ANKRD11: variants seen among roughly 807,000 people sequenced by gnomAD.
The protein encoded by ANKRD11 is ankyrin repeat domain-containing protein 11.
ANKRD11 carries 17 observed loss-of-function variants against 195.7 expected under a neutral mutation model. The ratio of observed to expected loss-of-function variants is 0.09; its 90% CI spans 0.06 to 0.13. ANKRD11 has a LOEUF of 0.13. Ranked by LOEUF, ANKRD11 falls within the 10% of genes least tolerant of loss-of-function variation. The pLI is 1.00. For synonymous variants in ANKRD11, 1,953 were observed against 1,528.1 expected, an observed-to-expected ratio of 1.28 and a Z score of -6.49; for missense variants, 3,735 against 3,566.1, an observed-to-expected ratio of 1.05 and a Z score of -1.21.
chr16:89,367,883 G>T (rs192543784), intron 2 of ANKRD11, among the ~76,000 whole-genome samples: 224 of 152,168 alleles, frequency 1.5e-3, no homozygotes, highest in African/African-American at 5.2e-3. Flanking sequence ...GTGTGCTTGT[G>T]GTACCGGCTA....
intron 2 of ANKRD11, among the ~76,000 whole-genome samples, chr16:89,364,573 A>G (rs2039868663): frequency 6.6e-6 from 1 of 152,212 alleles, no homozygotes; most frequent in Non-Finnish European, 1.5e-5. Context: ...GAGGTGTCCA[A>G]TCTTTTGACC....
rs191107317 is a variant in ANKRD11, at chr16:89,477,419, G to A, written c.-145+12826C>T. Among the ~76,000 whole-genome samples, 76 of 151,166 alleles carry A rather than the reference G, an allele frequency of 5.0e-4. 1 individual carries two copies. The highest frequency in any genetic ancestry group is 1.5e-3 in the African/African-American group (62 of 41,246). ...CACCCAGGCTGGAGTGCAGTGGTGC[G>A]ATTCTGGCTCACTGCAACCTCCACC... On this transcript the variant is annotated intron_variant, in intron 1 of 12. Transcript: ENST00000301030.
chr16:89,284,277 T>C lies in ANKRD11; in HGVS notation c.2265A>G (p.Glu755=). The change falls in exon 9 of 13, where the codon GAA becomes GAG. Residue 755 remains glutamate (E), a synonymous_variant. Coordinates refer to ENST00000301030, the MANE Select transcript of ANKRD11 (RefSeq NM_013275.6). ...CCTCTTTGTACAGTCTCAGTTTTTCTTCTTTCGGAGACTTTTCCTTCAGCG... is the reference window on the plus strand; with the variant it reads ...CCTCTTTGTACAGTCTCAGTTTTTCCTCTTTCGGAGACTTTTCCTTCAGCG... ...ERSLKEKSPK[E]EKLRLYKEER... 1 of 1,613,986 alleles carries C rather than the reference T, an allele frequency of 6.2e-7. No individual in the cohort carries two copies. Among genetic ancestry groups the C allele is most frequent in the South Asian group, 1.1e-5 (1 of 91,082 alleles).
At chr16:89,398,672 G>A (rs2041567957) in intron 2 of ANKRD11, among the ~76,000 whole-genome samples, 2 of 152,142 alleles carry the variant, frequency 1.3e-5, no homozygotes, top group South Asian at 4.1e-4. Context: ...AGCCCGGGAG[G>A]TTGAGGCTGC....
intron 2 of ANKRD11, among the ~76,000 whole-genome samples, chr16:89,345,490 A>G (rs1241052651): frequency 6.6e-6 from 1 of 152,220 alleles, no homozygotes; most frequent in Non-Finnish European, 1.5e-5. Context: ...GCACGGAGGC[A>G]GAGACCAGGC....
chr16:89,409,932 C>T (rs1367802316), intron 2 of ANKRD11, among the ~76,000 whole-genome samples: 4 of 152,098 alleles, frequency 2.6e-5, no homozygotes, highest in South Asian at 2.1e-4. Context: ...CTCCGCCTCC[C>T]GGGTTCACGC....
intron 2 of ANKRD11, among the ~76,000 whole-genome samples, chr16:89,338,267 T>C (rs1231432792): frequency 6.6e-6 from 1 of 152,042 alleles, no homozygotes; most frequent in African/African-American, 2.4e-5. Context: ...CGCCACACTG[T>C]GTCCTCCAGG....
intron 4 of ANKRD11, among the ~76,000 whole-genome samples, chr16:89,304,405 C>A (rs2036040662): frequency 6.6e-6 from 1 of 151,664 alleles, no homozygotes; most frequent in Non-Finnish European, 1.5e-5. Context: ...TGGGCATACA[C>A]ACATGAGCGC....
chr16:89,482,268 T>C (rs371918886), intron 1 of ANKRD11, among the ~76,000 whole-genome samples: 95 of 152,294 alleles, frequency 6.2e-4, no homozygotes, highest in African/African-American at 2.2e-3. Context: ...AGCAGTCAGG[T>C]GAGCCACACG....
intron 3 of ANKRD11, among the ~76,000 whole-genome samples, chr16:89,315,790 G>C (rs1336515242): frequency 6.6e-6 from 1 of 152,212 alleles, no homozygotes; most frequent in African/African-American, 2.4e-5. Context: ...AGTGGACTGA[G>C]TCGCCATCAT....
In ANKRD11 at chr16:89,282,405, A is replaced by T. The variant is rs767190300; in HGVS notation, c.4137T>A (p.Asp1379Glu). 1.2e-6 allele frequency: 2 copies of T among 1,613,418 alleles called. No homozygotes were observed. Among genetic ancestry groups the T allele is most frequent in the South Asian group, 2.2e-5 (2 of 90,974 alleles). The part of the protein sequence containing the change: ...EKAEKKEKGE[D>E]YKEGGSRKDS... ...CCTTCCTGCTACCGCCCTCCTTGTA[A>T]TCTTCGCCCTTCTCTTTCTTCTCGG... Residue 1379 changes from aspartate (D) to glutamate (E), a missense_variant, in exon 9 of 13, where the codon GAT (aspartate) becomes GAA (glutamate). By Grantham distance (45) the Asp-to-Glu change is conservative (BLOSUM62 2). Transcript: ENST00000301030.
At chr16:89,359,550 A>G (rs942364466) in intron 2 of ANKRD11, among the ~76,000 whole-genome samples, 1 of 152,148 alleles carries the variant, frequency 6.6e-6, no homozygotes, top group Non-Finnish European at 1.5e-5. Context: ...TGCAGTCTTG[A>G]TTCTTCAGGC....
chr16:89,284,514 A>G lies in ANKRD11; in HGVS notation c.2028T>C (p.Asn676=). 2 of 1,614,118 alleles carry G rather than the reference A, an allele frequency of 1.2e-6. No individual in the cohort carries two copies. The highest frequency in any genetic ancestry group is 1.7e-6 in the Non-Finnish European group (2 of 1,180,028). The change falls in exon 9 of 13, where the codon AAT becomes AAC. Residue 676 remains asparagine (N), a synonymous_variant. Coordinates refer to ENST00000301030, the MANE Select transcript of ANKRD11 (RefSeq NM_013275.6). ...TTAGCTTGTTTTCAGTGGAAAGATC[A>G]TTCTCTAACAGTATAGCCTTATCTG... ...QKSDKAILLE[N]DLSTENKLKV... is the part of the protein sequence containing the mutation.
intron 2 of ANKRD11, among the ~76,000 whole-genome samples, chr16:89,385,072 G>C (rs1243727909): frequency 6.6e-6 from 1 of 151,712 alleles, no homozygotes; most frequent in Non-Finnish European, 1.5e-5. Flanking sequence ...TTTTAGTAGA[G>C]ACGATATTTC....
At chr16:89,420,517 G>A (rs573430322) in intron 1 of ANKRD11, 3 of 152,278 alleles carry the variant, frequency 2.0e-5, no homozygotes, top group East Asian at 3.9e-4. Context: ...AGGTGAAAGT[G>A]AAAAACATCA....
Position 89,443,979 on chromosome 16 carries a change from T to C in ANKRD11, c.-144-25611A>G, listed in dbSNP as rs372746151. ...GCAGAGACAAAGCGGCCTGTCAGGC[T>C]GAACAGGGAGGCAGAAACTCCGCAG... On this transcript the variant is annotated intron_variant, in intron 1 of 12. Coordinates refer to ENST00000301030, the MANE Select transcript of ANKRD11 (RefSeq NM_013275.6). Among the ~76,000 whole-genome samples, 6 of 152,270 alleles carry C rather than the reference T, an allele frequency of 3.9e-5. No homozygotes were observed. The South Asian group carries it at 1.2e-3, about 32-fold the overall frequency.
intron 2 of ANKRD11, among the ~76,000 whole-genome samples, chr16:89,372,412 G>A (rs1464330748): frequency 6.6e-6 from 1 of 152,092 alleles, no homozygotes; most frequent in East Asian, 1.9e-4. Flanking sequence ...GGACGGGGTC[G>A]ACAAGGCAGT....
Position 89,281,589 on chromosome 16 carries a change from G to C in ANKRD11, c.4953C>G (p.Asp1651Glu), listed in dbSNP as rs991212298. 1 of 1,614,170 alleles carries C rather than the reference G, an allele frequency of 6.2e-7. No individual in the cohort carries two copies. The highest frequency in any genetic ancestry group is 1.1e-5 in the South Asian group (1 of 91,088). The stretch of plus-strand genomic sequence containing the variant: ...TAGGAGTCGACTCTTTGAGCTTTTT[G>C]TCTTTAAATGGAGGGTCCAGCCCCG... ...KPPGLDPPFKDKKLKESTPIP... is the reference protein window; with the variant it reads ...KPPGLDPPFKEKKLKESTPIP... The change falls in exon 9 of 13, where the codon GAC becomes GAG. Residue 1651 changes from aspartate to glutamate, a missense_variant. By Grantham distance (45) the Asp-to-Glu change is conservative. Coordinates refer to ENST00000301030, the MANE Select transcript of ANKRD11 (RefSeq NM_013275.6). The surrounding 1 kb of genome is among the most constrained non-coding windows in gnomAD (Gnocchi z 5.5).
intron 2 of ANKRD11, among the ~76,000 whole-genome samples, chr16:89,394,588 A>G (rs2041342008): frequency 6.6e-6 from 1 of 151,652 alleles, no homozygotes. Context: ...GTATCGCACC[A>G]CTGCACTCCA....
Sources: allele counts gnomAD v4.1 joint callset (sites outside exome capture counted in the v4.1 genomes callset), GRCh38; gene constraint gnomAD v4.1.1; non-coding constraint Gnocchi (gnomAD v3.1); transcripts MANE v1.5; gene names NCBI Gene and HGNC (gene_info 2026-07-23, HGNC 2026-07-21).